The following DNMT1 variants were observed in gnomAD, a reference collection of about 807,000 sequenced individuals.
DNMT1 encodes DNA methyltransferase 1.
DNMT1 carries 24 observed loss-of-function variants against 205.3 expected under a neutral mutation model. The ratio of observed to expected loss-of-function variants is 0.12; its 90% CI spans 0.08 to 0.16. The LOEUF is 0.16. Ranked by LOEUF, DNMT1 falls within the 10% of genes least tolerant of loss-of-function variation. The pLI is 1.00. For synonymous variants in DNMT1, 817 were observed against 839.8 expected, an observed-to-expected ratio of 0.97 and a Z score of 0.47; for missense variants, 1,293 against 2,177.7, an observed-to-expected ratio of 0.59 and a Z score of 8.09.
intron 2 of DNMT1, among the ~76,000 whole-genome samples, 196 bp from the exon 3 acceptor site, chr19:10,181,081 A>C (rs1390899351): frequency 2.6e-5 from 4 of 152,184 alleles, no homozygotes; most frequent in African/African-American, 9.6e-5. Context: ...CTGTCTCCAA[A>C]GTGGTGAAAA....
intron 11 of DNMT1, among the ~76,000 whole-genome samples, chr19:10,164,565 C>T (rs1458152186): frequency 1.3e-5 from 2 of 151,870 alleles, no homozygotes; most frequent in South Asian, 2.1e-4. Context: ...TATGATAGCA[C>T]CACTGCACTC....
rs1418507524 is a variant in DNMT1, at chr19:10,160,013, T to C, written c.1089+5A>G. ...CCACCGGCTTTATTCCCGGCAGATG[T>C]TTACCTTGGAGTTCATGACTGTTTT... On this transcript the variant is annotated splice_donor_5th_base_variant and intron_variant, in intron 15 of 40. Coordinates refer to ENST00000359526, the MANE Select transcript of DNMT1 (RefSeq NM_001130823.3). 6.2e-7 allele frequency: 1 copy of C among 1,614,120 alleles called. No individual in the cohort carries two copies. Among genetic ancestry groups the C allele is most frequent in the Admixed American group, 1.7e-5 (1 of 60,022 alleles).
At position 10,149,897 on chromosome 19, in the gene DNMT1, G is replaced by T. The variant is rs202126672; in HGVS notation, c.2337C>A (p.Val779=). ...TTGAGGAATCATCTGGAATAACAGA[G>T]ACACAGTCCCCCACTTCCAGGGTTT... ...DAETLEVGDC[V]SVIPDDSSKP... The change falls in exon 25 of 41, where the codon GTC becomes GTA. Residue 779 remains valine (V), a synonymous_variant. Transcript: ENST00000359526. 1 of 1,614,198 alleles carries T rather than the reference G, an allele frequency of 6.2e-7. No individual in the cohort carries two copies. The highest frequency in any genetic ancestry group is 2.2e-5 in the East Asian group (1 of 44,890).
At chr19:10,186,824 G>A (rs2039192562) in intron 1 of DNMT1, among the ~76,000 whole-genome samples, 1 of 103,358 alleles carries the variant, frequency 9.7e-6, no homozygotes, top group Non-Finnish European at 1.7e-5. Flanking sequence ...GACAACAAGA[G>A]TGAAACTCCG....
rs2038624743 is a variant in DNMT1, at chr19:10,163,503, A to G, written c.892-143T>C. 8.6e-6 allele frequency: 7 copies of G among 816,562 alleles called. No individual in the cohort carries two copies. The South Asian group carries it at 1.0e-4, about 12-fold the overall frequency. The allele number at this position is 816,562 out of a possible 1,614,324, so 50.6% of individuals were successfully genotyped here. On this transcript the variant is annotated intron_variant, in intron 11 of 40. Coordinates refer to ENST00000359526, the MANE Select transcript of DNMT1 (RefSeq NM_001130823.3). ...AGCTGGAAGACAGGCAGGCCTGGGC[A>G]GATCTACCGGGTAGACACGAGGCTT...
chr19:10,171,032 T>G (rs1391328326), intron 9 of DNMT1, among the ~76,000 whole-genome samples: 1 of 151,952 alleles, frequency 6.6e-6, no homozygotes, highest in African/African-American at 2.4e-5. Flanking sequence ...GGCCCTGAAC[T>G]CCTGAGCTCA....
chr19:10,167,113 C>T (rs1391339518), intron 10 of DNMT1, among the ~76,000 whole-genome samples: 1 of 152,164 alleles, frequency 6.6e-6, no homozygotes, highest in Admixed American at 6.6e-5. Context: ...AGGGCCCTGC[C>T]GCTCAGGTGG....
chr19:10,138,360 C>T lies in DNMT1; in HGVS notation c.4115+79G>A, dbSNP rs2089533798. ...GTACCATCCTCTCCTCCCCAAGCCTCACCAGGGAGTACTCACGGGCCCCAT... is the reference window on the plus strand; with the variant it reads ...GTACCATCCTCTCCTCCCCAAGCCTTACCAGGGAGTACTCACGGGCCCCAT... On this transcript the variant is annotated intron_variant, in intron 35 of 40. Transcript: ENST00000359526. This position sits in a 1 kb window ranked among gnomAD's most constrained non-coding sequence, Gnocchi z 4.1. 1.9e-6 allele frequency: 3 copies of T among 1,605,520 alleles called. No individual in the cohort carries two copies. In the South Asian group the frequency reaches 3.3e-5, roughly 18 times the overall value.
In DNMT1 at chr19:10,169,324, C is replaced by T. The variant is rs1049500524; in HGVS notation, c.769-960G>A. On this transcript the variant is annotated intron_variant, in intron 9 of 40. Coordinates refer to ENST00000359526, the MANE Select transcript of DNMT1 (RefSeq NM_001130823.3). ...TTGGGAGGCCGAGATGGGCAGATCACGAGGTCAGGAGATCGAGACCATCCT... is the reference window on the plus strand; with the variant it reads ...TTGGGAGGCCGAGATGGGCAGATCATGAGGTCAGGAGATCGAGACCATCCT... Among the ~76,000 whole-genome samples, 7 of 144,786 alleles carry T rather than the reference C, an allele frequency of 4.8e-5. No individual in the cohort carries two copies. In the East Asian group the frequency reaches 1.0e-3, roughly 21 times the overall value. 95.0% of individuals were successfully genotyped at this position (144,786 alleles called of 152,430 possible).
intron 19 of DNMT1, 47 bp downstream of exon 19, chr19:10,155,806 A>C (rs1203448428): frequency 1.8e-5 from 28 of 1,576,322 alleles, no homozygotes; most frequent in Non-Finnish European, 2.4e-5. Flanking sequence ...GAGAACATGA[A>C]GGCCCCTTTC....
intron 37 of DNMT1, among the ~76,000 whole-genome samples, 166 bp downstream of exon 37, chr19:10,136,919 C>T (rs2089494359): frequency 6.6e-6 from 1 of 152,068 alleles, no homozygotes; most frequent in African/African-American, 2.4e-5. Context: ...GGGCCATGAA[C>T]CCAGCCTGCT....
rs2038216004 is a variant in DNMT1, at chr19:10,146,949, T to G, written c.2721-425A>C. On this transcript the variant is annotated intron_variant, in intron 27 of 40. Transcript: ENST00000359526. This position sits in a 1 kb window ranked among gnomAD's most constrained non-coding sequence, Gnocchi z 4.4. The stretch of plus-strand genomic sequence containing the variant: ...GACTAGTAAGCCCTTAAAGGAGACT[T>G]GAAGATGGCCTTAAAAATAGAGATC... Among the ~76,000 whole-genome samples the G allele has an allele frequency of 6.6e-6, 1 of 152,094 alleles. No homozygotes were observed. The highest frequency in any genetic ancestry group is 2.4e-5 in the African/African-American group (1 of 41,406).
At chr19:10,142,742 T>A (rs1389118610) in intron 29 of DNMT1, 1 of 163,346 alleles carries the variant, frequency 6.1e-6, no homozygotes, top group Non-Finnish European at 1.4e-5. Flanking sequence ...CAGGTAAAGA[T>A]AACCCCTCCC....
Position 10,160,391 on chromosome 19 carries a change from T to TG in DNMT1, c.1035dup (p.Lys346GlnfsTer35). On this transcript the variant is annotated frameshift_variant, in exon 14 of 41. Coordinates refer to ENST00000359526, the MANE Select transcript of DNMT1 (RefSeq NM_001130823.3). LOFTEE classifies it high-confidence loss of function. ...TCAAGAATAAATTCTTACGGTTCTTTGGGGGTCGTTTTGCGTCTCTTCTCC... is the reference window on the plus strand; with the variant it reads ...TCAAGAATAAATTCTTACGGTTCTTTGGGGGGTCGTTTTGCGTCTCTTCTCC... 6.2e-7 allele frequency: 1 copy of TG among 1,614,186 alleles called. No homozygotes were observed. Among genetic ancestry groups the TG allele is most frequent in the Non-Finnish European group, 8.5e-7 (1 of 1,180,028 alleles).
At chr19:10,139,593 C>T (rs2089561112) in intron 34 of DNMT1, 83 bp downstream of exon 34, 1 of 1,554,580 alleles carries the variant, frequency 6.4e-7, no homozygotes, top group Non-Finnish European at 8.7e-7. Context: ...CCATTGAACC[C>T]TGCCTTCAGT....
Position 10,151,456 on chromosome 19 carries a change from T to C in DNMT1, c.2207A>G (p.Gln736Arg). The C allele has an allele frequency of 6.2e-7, 1 of 1,614,158 alleles. No individual in the cohort carries two copies. Among genetic ancestry groups the C allele is most frequent in the Admixed American group, 1.7e-5 (1 of 60,014 alleles). Residue 736 changes from glutamine (Q) to arginine (R), a missense_variant, in exon 24 of 41, where the codon CAG becomes CGG. Physicochemically the swap from Gln to Arg is conservative, Grantham distance 43. This residue lies in a region of DNMT1 where 197 missense variants were observed against 353.6 expected (regional missense o/e 0.56). Transcript: ENST00000359526. This position sits in a 1 kb window ranked among gnomAD's most constrained non-coding sequence, Gnocchi z 5.0. ...CTTGTTCTGTTTCTTCTTCTTCCCC[T>C]GGTGCATTTTTTTGGGTGACGGCAT... The part of the protein sequence containing the change: ...PEMPSPKKMH[Q>R]GKKKKQNKNR...
chr19:10,156,317 G>A lies in DNMT1; in HGVS notation c.1399+74C>T, dbSNP rs2038456392. On this transcript the variant is annotated intron_variant, in intron 18 of 40. Coordinates refer to ENST00000359526, the MANE Select transcript of DNMT1 (RefSeq NM_001130823.3). This position sits in a 1 kb window ranked among gnomAD's most constrained non-coding sequence, Gnocchi z 4.2. ...TGGCCTCAGACCCCCAAAGTGCTAG[G>A]ATTACAGATGTGAGCCACCCTGCCT... 3 of 1,219,080 alleles carry A rather than the reference G, an allele frequency of 2.5e-6. No individual in the cohort carries two copies. The highest frequency in any genetic ancestry group is 2.4e-6 in the Non-Finnish European group (2 of 826,392). 75.5% of individuals were successfully genotyped at this position (1,219,080 alleles called of 1,614,324 possible).
Position 10,140,412 on chromosome 19 carries a change from C to G in DNMT1, c.3524-84G>C. ...TGAGATGGAGTCTCGCTCTGTCACC[C>G]AGGCTGGAGTGCAGTGGTGTGATCT... On this transcript the variant is annotated intron_variant, in intron 32 of 40. Transcript: ENST00000359526. The surrounding 1 kb of genome is among the most constrained non-coding windows in gnomAD (Gnocchi z 8.4). The G allele has an allele frequency of 2.6e-6, 4 of 1,540,898 alleles. No homozygotes were observed. The Admixed American group carries it at 7.5e-5, about 29-fold the overall frequency.
chr19:10,155,454 T>C (rs1186933017), intron 19 of DNMT1, among the ~76,000 whole-genome samples: 3 of 152,028 alleles, frequency 2.0e-5, no homozygotes, highest in Non-Finnish European at 2.9e-5. Flanking sequence ...TCTCCTGCCA[T>C]AGCCTCCCAA....
Sources: allele counts gnomAD v4.1 joint callset (sites outside exome capture counted in the v4.1 genomes callset), GRCh38; gene constraint gnomAD v4.1.1; regional missense constraint gnomAD v4.1.1; non-coding constraint Gnocchi (gnomAD v3.1); transcripts MANE v1.5; gene names NCBI Gene and HGNC (gene_info 2026-07-23, HGNC 2026-07-21).